XAGE3: variants seen among roughly 807,000 people sequenced by gnomAD.
XAGE3 encodes X antigen family member 3.
A neutral mutation model predicts 9.2 loss-of-function variants in XAGE3; 6 were observed. The observed-to-expected ratio is 0.65, with a 90% CI of 0.36 to 1.29. The LOEUF is 1.29. Ranked by LOEUF, XAGE3 falls within the 50% of genes most tolerant of loss-of-function variation. The probability of loss-of-function intolerance (pLI) is 0.03; values close to 1 mark genes in which losing one functional copy is unlikely to be tolerated. For synonymous variants in XAGE3, 26 were observed against 28.2 expected, an observed-to-expected ratio of 0.92 and a Z score of 0.25; for missense variants, 70 against 82.8, an observed-to-expected ratio of 0.85 and a Z score of 0.60.
chrX:52,862,875 A>G (rs1165302491), intron 4 of XAGE3, among the ~76,000 whole-genome samples: 235 of 113,482 alleles, frequency 2.1e-3, no homozygotes, highest in African/African-American at 7.5e-3. Context: ...AGTTCAAGGA[A>G]ACCAAAAACT....
Position 52,862,550 on chromosome X carries a change from T to C in XAGE3, c.*68A>G. 5 of 1,173,552 alleles carry C rather than the reference T, an allele frequency of 4.3e-6. No individual in the cohort carries two copies. The highest frequency in any genetic ancestry group is 5.8e-6 in the Non-Finnish European group (5 of 867,463). ...TTCTTTGGAGAAAGCTGCAAAAGTT[T>C]ATTTCGATATTTTTAAGTCAAATAT... On this transcript the variant is annotated 3_prime_UTR_variant, in exon 5 of 5. Transcript: ENST00000346279.
chrX:52,867,319 G>A, intron 1 of XAGE3, 178 bp from the exon 2 acceptor site: 1 of 419,776 alleles, frequency 2.4e-6, no homozygotes. Flanking sequence ...CATTAAGTTG[G>A]TCAAGCTAGC....
In XAGE3 at chrX:52,864,797, T is replaced by G. The variant is rs782707003; in HGVS notation, c.291A>C (p.Glu97Asp). Reference sequence around the variant, plus strand: ...TACCTCCTTCTGGCATTTTAAATTGTTCTGATTTTGGCAGAATCTTCCCCT... The same window carrying G: ...TACCTCCTTCTGGCATTTTAAATTGGTCTGATTTTGGCAGAATCTTCCCCT... ...DDQGKILPKS[E>D]QFKMPEGGDR... The change falls in exon 4 of 5, where the codon GAA becomes GAC. Residue 97 changes from glutamate to aspartate, a missense_variant. Glu to Asp is a conservative substitution (Grantham distance 45). Transcript: ENST00000346279. 8.3e-7 allele frequency: 1 copy of G among 1,211,632 alleles called. No homozygotes were observed. The highest frequency in any genetic ancestry group is 1.8e-5 in the South Asian group (1 of 57,009).
At chrX:52,865,146 A>T (rs1927856452) in intron 3 of XAGE3, among the ~76,000 whole-genome samples, 1 of 111,671 alleles carries the variant, frequency 9.0e-6, no homozygotes, top group Non-Finnish European at 1.9e-5. Flanking sequence ...ATAAACAGTG[A>T]GTGTCAGCTA....
intron 4 of XAGE3, among the ~76,000 whole-genome samples, chrX:52,864,511 A>G (rs1295527668): frequency 2.7e-5 from 3 of 112,095 alleles, no homozygotes; most frequent in Admixed American, 9.5e-5. Context: ...CAGAAATTGA[A>G]AAATATCTGA....
chrX:52,864,089 T>C (rs112142195), intron 4 of XAGE3, among the ~76,000 whole-genome samples: 16,184 of 111,500 alleles, frequency 0.15, 874 homozygotes, highest in African/African-American at 0.18. Context: ...CTTCCATAAA[T>C]ATGGAATGCT....
At chrX:52,866,384 T>C (rs1927885309) in intron 3 of XAGE3, 49 bp downstream of exon 3, 1 of 1,141,522 alleles carries the variant, frequency 8.8e-7, no homozygotes, top group Non-Finnish European at 1.2e-6. Flanking sequence ...GATGCACACA[T>C]AGGCCTCCTC....
intron 3 of XAGE3, among the ~76,000 whole-genome samples, chrX:52,866,171 AC>A (rs1927878791): frequency 8.9e-6 from 1 of 112,072 alleles, no homozygotes; most frequent in Non-Finnish European, 1.9e-5. Context: ...ATATTTTTGT[AC>A]ATCAAATTAA....
chrX:52,864,586 G>C (rs1330308564), intron 4 of XAGE3, among the ~76,000 whole-genome samples, 189 bp downstream of exon 4: 2 of 112,081 alleles, frequency 1.8e-5, no homozygotes, highest in Admixed American at 1.9e-4. Flanking sequence ...GATTCAATGT[G>C]GGTTTGACCC....
chrX:52,865,567 T>A (rs1927865547), intron 3 of XAGE3, among the ~76,000 whole-genome samples: 1 of 112,121 alleles, frequency 8.9e-6, no homozygotes, highest in African/African-American at 3.2e-5. Flanking sequence ...AGGAAATAAT[T>A]TCTGTTTCAT....
chrX:52,866,824 G>A (rs1381127678), intron 2 of XAGE3, among the ~76,000 whole-genome samples: 1 of 111,909 alleles, frequency 8.9e-6, no homozygotes. Context: ...GAAATCATGG[G>A]CAAAATCTGG....
intron 2 of XAGE3, 37 bp from the exon 3 acceptor site, chrX:52,866,575 G>T: frequency 9.0e-7 from 1 of 1,108,998 alleles, no homozygotes; most frequent in East Asian, 3.0e-5. Flanking sequence ...GTGTGTGTGT[G>T]CAGATAAAAA....
chrX:52,863,823 C>A (rs1235940337), intron 4 of XAGE3, among the ~76,000 whole-genome samples: 2 of 111,518 alleles, frequency 1.8e-5, no homozygotes, highest in African/African-American at 6.5e-5. Context: ...ACTAATGACT[C>A]ATATCTGTCT....
intron 4 of XAGE3, among the ~76,000 whole-genome samples, chrX:52,863,267 A>G (rs1927801186): frequency 8.9e-6 from 1 of 112,273 alleles, no homozygotes; most frequent in Non-Finnish European, 1.9e-5. Context: ...CCTGATGTCA[A>G]TATGAAGAGT....
chrX:52,866,557 G>A lies in XAGE3; in HGVS notation c.82-19C>T. The A allele has an allele frequency of 8.7e-7, 1 of 1,155,778 alleles. No individual in the cohort carries two copies. Among genetic ancestry groups the A allele is most frequent in the Non-Finnish European group, 1.2e-6 (1 of 851,439 alleles). ...CGGGCTCCTGGAACCAGGGGTGTGT[G>A]TGTGTGTGTGTGTGTGTGCAGATAA... On this transcript the variant is annotated intron_variant, in intron 2 of 4. Coordinates refer to ENST00000346279, the MANE Select transcript of XAGE3 (RefSeq NM_133179.3).
At chrX:52,865,177 C>T (rs1232031087) in intron 3 of XAGE3, among the ~76,000 whole-genome samples, 1 of 111,272 alleles carries the variant, frequency 9.0e-6, no homozygotes, top group African/African-American at 3.3e-5. Flanking sequence ...CTAAAGACTG[C>T]CCAATGGATA....
chrX:52,867,027 A>G, intron 2 of XAGE3, 26 bp downstream of exon 2: 1 of 1,193,798 alleles, frequency 8.4e-7, no homozygotes, highest in Non-Finnish European at 1.1e-6. Flanking sequence ...CTGCTAATAG[A>G]AAACATCAAA....
chrX:52,864,911 C>CA lies in XAGE3; in HGVS notation c.188-12dup. The CA allele has an allele frequency of 2.5e-6, 3 of 1,208,694 alleles. No homozygotes were observed. The highest frequency in any genetic ancestry group is 3.4e-6 in the Non-Finnish European group (3 of 894,240). On this transcript the variant is annotated splice_polypyrimidine_tract_variant and intron_variant, in intron 3 of 4. Coordinates refer to ENST00000346279, the MANE Select transcript of XAGE3 (RefSeq NM_133179.3). ...CTTCCAGGTCAGGCACTAAAAAATA[C>CA]AAAGGTTGTCGATTGAAGCAGGCAA...
At chrX:52,865,589 C>T (rs1556784327) in intron 3 of XAGE3, among the ~76,000 whole-genome samples, 1 of 112,120 alleles carries the variant, frequency 8.9e-6, no homozygotes, top group South Asian at 3.6e-4. Context: ...ATAATCTTAT[C>T]GTACTTCGAG....
Sources: gnomAD v4.1 joint callset for allele counts (sites outside exome capture counted in the v4.1 genomes callset) on GRCh38, gnomAD v4.1.1 for gene constraint, MANE v1.5 for transcripts, NCBI Gene and HGNC (gene_info 2026-07-23, HGNC 2026-07-21) for gene names.